CTNNBIP1: variants seen among roughly 807,000 people sequenced by gnomAD.
CTNNBIP1 encodes beta-catenin-interacting protein 1.
A neutral mutation model predicts 11.8 loss-of-function variants in CTNNBIP1; 7 were observed. That is an observed-to-expected ratio of 0.60 (90% CI 0.34 to 1.12). The LOEUF is 1.12. Ranked by LOEUF, CTNNBIP1 falls within the 50% of genes most tolerant of loss-of-function variation. The pLI, the probability that CTNNBIP1 is intolerant of heterozygous loss-of-function variation, is 0.03. For missense variants in CTNNBIP1, 101 were observed against 113.4 expected, an observed-to-expected ratio of 0.89 and a Z score of 0.50; for synonymous variants, 58 against 43.9, an observed-to-expected ratio of 1.32 and a Z score of -1.26.
At chr1:9,882,262 A>G (rs1485557753) in intron 2 of CTNNBIP1, among the ~76,000 whole-genome samples, 1 of 152,354 alleles carries the variant, frequency 6.6e-6, no homozygotes, top group East Asian at 1.9e-4. Flanking sequence ...CTGAGCATCT[A>G]TTCTACGGCA....
chr1:9,871,736 C>T lies in CTNNBIP1; in HGVS notation c.96+233G>A, dbSNP rs184210212. Among the ~76,000 whole-genome samples, 333 of 152,296 alleles carry T rather than the reference C, an allele frequency of 2.2e-3. 1 individual carries two copies. Among genetic ancestry groups the T allele is most frequent in the African/African-American group, 7.6e-3 (315 of 41,564 alleles). ...AGGTCAGGGCCTTGAGACCCTCACCCGCCTGGCCCCAATCCGGCAGTGTCG... is the reference window on the plus strand; with the variant it reads ...AGGTCAGGGCCTTGAGACCCTCACCTGCCTGGCCCCAATCCGGCAGTGTCG... On this transcript the variant is annotated intron_variant, in intron 4 of 5. Transcript: ENST00000377263. This position sits in a 1 kb window ranked among gnomAD's most constrained non-coding sequence, Gnocchi z 5.2.
At chr1:9,909,139 A>T (rs1429928481) in intron 1 of CTNNBIP1, among the ~76,000 whole-genome samples, 1 of 152,212 alleles carries the variant, frequency 6.6e-6, no homozygotes, top group Non-Finnish European at 1.5e-5. Flanking sequence ...GCTCCTGCGA[A>T]CAGAACTTCA....
intron 5 of CTNNBIP1, among the ~76,000 whole-genome samples, chr1:9,863,621 G>A (rs1336131347): frequency 6.6e-6 from 1 of 152,234 alleles, no homozygotes; most frequent in Non-Finnish European, 1.5e-5. Context: ...CCAGAGGCGG[G>A]ATGGGGGACT....
intron 3 of CTNNBIP1, among the ~76,000 whole-genome samples, chr1:9,874,768 C>A (rs961650060): frequency 4.6e-5 from 7 of 152,214 alleles, no homozygotes; most frequent in African/African-American, 1.7e-4. Context: ...AATATCCACA[C>A]CCATCTAGGC....
chr1:9,897,331 G>C (rs1450726245), intron 1 of CTNNBIP1, among the ~76,000 whole-genome samples: 1 of 152,146 alleles, frequency 6.6e-6, no homozygotes, highest in African/African-American at 2.4e-5. Flanking sequence ...GCGGGTGCCT[G>C]TAGTCCCAGC....
chr1:9,855,421 A>T (rs1477938442), intron 5 of CTNNBIP1, among the ~76,000 whole-genome samples: 2 of 152,224 alleles, frequency 1.3e-5, no homozygotes. Flanking sequence ...ACTGGGTGGT[A>T]CTGGCATAAG....
chr1:9,901,649 T>C (rs1197865535), intron 1 of CTNNBIP1, among the ~76,000 whole-genome samples: 1 of 152,076 alleles, frequency 6.6e-6, no homozygotes, highest in Non-Finnish European at 1.5e-5. Context: ...GCTCTCCATG[T>C]GGGAGAGGAT....
chr1:9,871,056 C>T lies in CTNNBIP1; in HGVS notation c.187+131G>A, dbSNP rs904940807. ...GCTCTGTGGGTGGAGAGAGCTGTAG[C>T]CCCTCCTAGTCAGCCCTGGGTCTCA... On this transcript the variant is annotated intron_variant, in intron 5 of 5. Transcript: ENST00000377263. This position sits in a 1 kb window ranked among gnomAD's most constrained non-coding sequence, Gnocchi z 5.2. 3 of 657,000 alleles carry T rather than the reference C, an allele frequency of 4.6e-6. No homozygotes were observed. The highest frequency in any genetic ancestry group is 3.7e-5 in the African/African-American group (2 of 54,364). The allele number at this position is 657,000 out of a possible 1,614,324, so 40.7% of individuals were successfully genotyped here. A position where few individuals can be genotyped will look rare whatever the true frequency, so the allele number is the denominator to read the frequency against.
chr1:9,897,982 T>C (rs1298808689), intron 1 of CTNNBIP1, among the ~76,000 whole-genome samples: 1 of 149,812 alleles, frequency 6.7e-6, no homozygotes, highest in Non-Finnish European at 1.5e-5. Context: ...TAGCCGGGCG[T>C]GCTGGCACAC....
chr1:9,890,894 C>T (rs767317148), intron 1 of CTNNBIP1, among the ~76,000 whole-genome samples: 1 of 152,128 alleles, frequency 6.6e-6, no homozygotes, highest in Non-Finnish European at 1.5e-5. Flanking sequence ...CAGGAAGGGA[C>T]CACTTCCAGA....
rs1310504583 is a variant in CTNNBIP1, at chr1:9,871,150, T to C, written c.187+37A>G. ...AACCACAAGTCGGTGCCCCTGGGAC[T>C]TGTGCCACTGCCCCAGCCCCTCTGC... On this transcript the variant is annotated intron_variant, in intron 5 of 5. Coordinates refer to ENST00000377263, the MANE Select transcript of CTNNBIP1 (RefSeq NM_020248.3). The surrounding 1 kb of genome is among the most constrained non-coding windows in gnomAD (Gnocchi z 5.2). The C allele has an allele frequency of 6.7e-7, 1 of 1,488,130 alleles. No individual in the cohort carries two copies. Among genetic ancestry groups the C allele is most frequent in the Admixed American group, 2.0e-5 (1 of 49,898 alleles). 92.2% of individuals were successfully genotyped at this position (1,488,130 alleles called of 1,614,324 possible).
chr1:9,896,379 C>G (rs1323301924), intron 1 of CTNNBIP1, among the ~76,000 whole-genome samples: 1 of 152,144 alleles, frequency 6.6e-6, no homozygotes, highest in East Asian at 1.9e-4. Context: ...GCAAAGAAAA[C>G]AGTGCGAGAA....
At chr1:9,894,629 G>A (rs1159890357) in intron 1 of CTNNBIP1, among the ~76,000 whole-genome samples, 2 of 151,934 alleles carry the variant, frequency 1.3e-5, no homozygotes, top group Non-Finnish European at 2.9e-5. Context: ...CCAGGCTTAA[G>A]CGATCCTCCC....
chr1:9,881,500 C>T (rs1380606022), intron 2 of CTNNBIP1, among the ~76,000 whole-genome samples: 2 of 151,978 alleles, frequency 1.3e-5, no homozygotes, highest in Admixed American at 6.6e-5. Context: ...CCACCACACC[C>T]GGCTATTTTT....
intron 1 of CTNNBIP1, among the ~76,000 whole-genome samples, chr1:9,886,218 C>T (rs1335248275): frequency 6.6e-6 from 1 of 152,142 alleles, no homozygotes; most frequent in Non-Finnish European, 1.5e-5. Flanking sequence ...CTTGCTTCCA[C>T]AGTCTGAGTG....
rs1379559655 is a variant in CTNNBIP1 at position 9,872,440 on chromosome 1, G to T, written c.-24-352C>A. 6.6e-6 allele frequency among the ~76,000 whole-genome samples: 1 copy of T among 152,252 alleles called. No homozygotes were observed. The highest frequency in any genetic ancestry group is 1.5e-5 in the Non-Finnish European group (1 of 68,050). The stretch of plus-strand genomic sequence containing the variant: ...GCTCCTGCTACAAGCCACAGGACAC[G>T]TGGTGCATGAAGCCCCAAATGTCCC... On this transcript the variant is annotated intron_variant, in intron 3 of 5. Coordinates refer to ENST00000377263, the MANE Select transcript of CTNNBIP1 (RefSeq NM_020248.3). This position sits in a 1 kb window ranked among gnomAD's most constrained non-coding sequence, Gnocchi z 4.0.
At chr1:9,864,473 C>T (rs528953579) in intron 5 of CTNNBIP1, among the ~76,000 whole-genome samples, 85 of 152,324 alleles carry the variant, frequency 5.6e-4, no homozygotes, top group Admixed American at 2.4e-3. Flanking sequence ...GGACTACAGG[C>T]GCCCGCCACC....
chr1:9,887,304 C>T (rs1639207294), intron 1 of CTNNBIP1, among the ~76,000 whole-genome samples: 2 of 152,222 alleles, frequency 1.3e-5, no homozygotes, highest in Non-Finnish European at 2.9e-5. Flanking sequence ...AGTAACCTGC[C>T]TGAGGCCATG....
intron 1 of CTNNBIP1, among the ~76,000 whole-genome samples, chr1:9,905,123 C>T (rs868491242): frequency 2.8e-4 from 42 of 152,318 alleles, no homozygotes; most frequent in African/African-American, 9.4e-4. Flanking sequence ...CTCAAATATT[C>T]TCCTAGACCC....
Sources: gnomAD v4.1 joint callset for allele counts (sites outside exome capture counted in the v4.1 genomes callset) on GRCh38, gnomAD v4.1.1 for gene constraint, Gnocchi (gnomAD v3.1) non-coding constraint, MANE v1.5 for transcripts, NCBI Gene and HGNC (gene_info 2026-07-23, HGNC 2026-07-21) for gene names.